Variants in YME1L1 observed in about 807,000 individuals in gnomAD.
YME1L1 encodes ATP-dependent zinc metalloprotease YME1L1.
Under a neutral mutation model 90.4 loss-of-function variants are expected in YME1L1, and 39 were observed. That is an observed-to-expected ratio of 0.43 (90% CI 0.33 to 0.56). The LOEUF is 0.56. Among genes scored for constraint, YME1L1 ranks in the 20% least tolerant of loss-of-function variants. The pLI, the probability that YME1L1 is intolerant of heterozygous loss-of-function variation, is 0.03. For missense variants in YME1L1, 617 were observed against 868.4 expected (o/e 0.71, Z 3.64); for synonymous variants, 284 against 287.3 (o/e 0.99, Z 0.12).
At chr10:27,136,747 G>A (rs1386970599) in intron 4 of YME1L1, among the ~76,000 whole-genome samples, 1 of 139,608 alleles carries the variant, frequency 7.2e-6, no homozygotes, top group Non-Finnish European at 1.6e-5. Context: ...TTATTTATTT[G>A]AGATGGAGTT....
intron 1 of YME1L1, among the ~76,000 whole-genome samples, chr10:27,151,370 G>A (rs541041120): frequency 6.6e-6 from 1 of 152,342 alleles, no homozygotes; most frequent in Admixed American, 6.5e-5. Flanking sequence ...CTGTAATCCT[G>A]TTAAGAGGTG....
intron 14 of YME1L1, among the ~76,000 whole-genome samples, chr10:27,118,400 G>C (rs528225608): frequency 6.6e-6 from 1 of 152,112 alleles, no homozygotes; most frequent in East Asian, 1.9e-4. Context: ...TCCCACCTAG[G>C]ACTCCCAAGT....
In YME1L1 at chr10:27,110,131, T is replaced by C. The variant is rs1053248836; in HGVS notation, c.*1846A>G. 6.6e-6 allele frequency: 1 copy of C among 152,216 alleles called. No homozygotes were observed. The highest frequency in any genetic ancestry group is 2.4e-5 in the African/African-American group (1 of 41,464). The allele number at this position is 152,216 out of a possible 1,614,324, so 9.4% of individuals were successfully genotyped here. A position where few individuals can be genotyped will look rare whatever the true frequency, so the allele number is the denominator to read the frequency against. ...AACTCTACATTTAAAATGAATTTTA[T>C]CATATGTAAATTATACCTCAACAAA... On this transcript the variant is annotated 3_prime_UTR_variant, in exon 19 of 19. Transcript: ENST00000376016.
chr10:27,153,638 C>T (rs925122416), intron 1 of YME1L1, among the ~76,000 whole-genome samples: 1 of 152,114 alleles, frequency 6.6e-6, no homozygotes, highest in Admixed American at 6.6e-5. Context: ...AAACAGTTTA[C>T]GACTCGGAAA....
intron 7 of YME1L1, 84 bp downstream of exon 7, chr10:27,133,955 C>T (rs2057000911): frequency 1.0e-6 from 1 of 953,406 alleles, no homozygotes; most frequent in Non-Finnish European, 1.6e-6. Flanking sequence ...TATGTTCTTT[C>T]TTTAAGGGTT....
intron 2 of YME1L1, 71 bp downstream of exon 2, chr10:27,148,835 A>G: frequency 6.3e-7 from 1 of 1,580,966 alleles, no homozygotes; most frequent in East Asian, 2.2e-5. Flanking sequence ...CAATATCCTT[A>G]ATCCTTCATT....
At chr10:27,127,497 T>C (rs7915541) in intron 8 of YME1L1, among the ~76,000 whole-genome samples, 239 of 152,298 alleles carry the variant, frequency 1.6e-3, no homozygotes, top group African/African-American at 5.6e-3. Context: ...CCTAAAGTAG[T>C]GTAATTGCAC....
At position 27,136,604 on chromosome 10, in the gene YME1L1, G is replaced by A. The variant is rs113179933; in HGVS notation, c.431-219C>T. 0.044 allele frequency among the ~76,000 whole-genome samples: 6,748 copies of A among 151,960 alleles called. 265 individuals are homozygous for A. Among genetic ancestry groups the A allele is most frequent in the Admixed American group, 0.12 (1,810 of 15,264 alleles). On this transcript the variant is annotated intron_variant, in intron 4 of 18. Coordinates refer to ENST00000376016, the MANE Select transcript of YME1L1 (RefSeq NM_014263.4). Reference sequence around the variant, plus strand: ...ACTCCTGGGCTCAAGCAGTCCTCTTGCCTCAGCCTCCCAAAGAGCTGGGAT... The same window carrying A: ...ACTCCTGGGCTCAAGCAGTCCTCTTACCTCAGCCTCCCAAAGAGCTGGGAT...
chr10:27,148,004 C>G (rs2057165111), intron 2 of YME1L1, among the ~76,000 whole-genome samples: 1 of 152,152 alleles, frequency 6.6e-6, no homozygotes, highest in South Asian at 2.1e-4. Context: ...CCAACAATGT[C>G]AGGATCTCAG....
At chr10:27,123,101 G>A (rs1283683223) in intron 10 of YME1L1, 128 bp from the exon 11 acceptor site, 14 of 1,190,380 alleles carry the variant, frequency 1.2e-5, no homozygotes, top group Non-Finnish European at 1.4e-5. Flanking sequence ...AGAAAAGGAC[G>A]TCATTTTTTA....
intron 15 of YME1L1, 47 bp downstream of exon 15, chr10:27,117,529 T>C (rs778521583): frequency 4.8e-5 from 77 of 1,594,700 alleles, no homozygotes; most frequent in East Asian, 9.0e-5. Flanking sequence ...GATCGCGCCA[T>C]TGCACTCCAG....
intron 3 of YME1L1, 94 bp downstream of exon 3, chr10:27,145,334 C>T: frequency 9.1e-7 from 1 of 1,102,022 alleles, no homozygotes; most frequent in South Asian, 2.8e-5. Flanking sequence ...GAACCCAGCC[C>T]ACAATAAACG....
rs891569694 is a variant in YME1L1 at position 27,110,299 on chromosome 10, A to G, written c.*1678T>C. 6.6e-6 allele frequency: 1 copy of G among 152,240 alleles called. No individual in the cohort carries two copies. The highest frequency in any genetic ancestry group is 1.5e-5 in the Non-Finnish European group (1 of 68,046). The allele number at this position is 152,240 out of a possible 1,614,324, so 9.4% of individuals were successfully genotyped here. A position where few individuals can be genotyped will look rare whatever the true frequency, so the allele number is the denominator to read the frequency against. Reference sequence around the variant, plus strand: ...CAACTGGTAAATCTGGATGCAGGGTATATGAGACATCCATGTATTATGCTG... The same window carrying G: ...CAACTGGTAAATCTGGATGCAGGGTGTATGAGACATCCATGTATTATGCTG... On this transcript the variant is annotated 3_prime_UTR_variant, in exon 19 of 19. Coordinates refer to ENST00000376016, the MANE Select transcript of YME1L1 (RefSeq NM_014263.4).
At chr10:27,152,762 A>C (rs1188437790) in intron 1 of YME1L1, among the ~76,000 whole-genome samples, 1 of 152,062 alleles carries the variant, frequency 6.6e-6, no homozygotes. Flanking sequence ...CACTTTCTTC[A>C]AAATATATCT....
In YME1L1 at chr10:27,111,881, A is replaced by G; in HGVS notation, c.*96T>C. The stretch of plus-strand genomic sequence containing the variant: ...ATTTCACACCCTTCAATTACACCAC[A>G]TCAAGAATGAGGGGAAAGCGTTGTA... On this transcript the variant is annotated 3_prime_UTR_variant, in exon 19 of 19. Transcript: ENST00000376016. 3 of 1,468,000 alleles carry G rather than the reference A, an allele frequency of 2.0e-6. No homozygotes were observed. The highest frequency in any genetic ancestry group is 2.8e-6 in the Non-Finnish European group (3 of 1,053,152). The allele number at this position is 1,468,000 out of a possible 1,614,324, so 90.9% of individuals were successfully genotyped here. A position where few individuals can be genotyped will look rare whatever the true frequency, so the allele number is the denominator to read the frequency against.
At position 27,119,353 on chromosome 10, in the gene YME1L1, T is replaced by C; in HGVS notation, c.1508A>G (p.Asp503Gly). 1 of 1,613,868 alleles carries C rather than the reference T, an allele frequency of 6.2e-7. No individual in the cohort carries two copies. Among genetic ancestry groups the C allele is most frequent in the Non-Finnish European group, 8.5e-7 (1 of 1,179,882 alleles). The change falls in exon 14 of 19, where the codon GAT (aspartate) becomes GGT (glycine). Residue 503 changes from aspartate to glycine, a missense_variant. Physicochemically the swap from Asp to Gly is moderately conservative, Grantham distance 94. This residue lies in a region of YME1L1 where 212 missense variants were observed against 330.0 expected (regional missense o/e 0.64). Transcript: ENST00000376016. Reference protein sequence around the residue: ...VNQAALKAAVDGKEMVTMKEL... With the variant: ...VNQAALKAAVGGKEMVTMKEL... ...CTTCATGGTAACCATTTCTTTTCCA[T>C]CAACAGCTGCTTTTAATGCAGCCTG...
chr10:27,134,815 T>C lies in YME1L1; in HGVS notation c.691+16A>G, dbSNP rs2275752. The stretch of plus-strand genomic sequence containing the variant: ...AGTTACTCTTCTCAAACACGGATGG[T>C]GTCAATTCAACTTACCATTGGTTTT... On this transcript the variant is annotated intron_variant, in intron 6 of 18. Transcript: ENST00000376016. 0.19 allele frequency: 308,800 copies of C among 1,611,408 alleles called. 31,986 individuals are homozygous for C. The highest frequency in any genetic ancestry group is 0.39 in the East Asian group (17,270 of 44,802).
intron 8 of YME1L1, among the ~76,000 whole-genome samples, chr10:27,129,563 C>T (rs1318068881): frequency 3.3e-5 from 5 of 152,230 alleles, no homozygotes; most frequent in Middle Eastern, 3.4e-3. Context: ...ATCCCTCCTG[C>T]GGAAGAATTT....
rs761921496 is a variant in YME1L1 at position 27,116,313 on chromosome 10, A to G, written c.1752T>C (p.Asn584=). ...GTGCAAGCAGCTGGGCTCTAGTTTC[A>G]TTCCATCTGTCATTCTCAGGTAACA... ...VSLLPENDRW[N]ETRAQLLAQM... The change falls in exon 16 of 19, where the codon AAT becomes AAC. Residue 584 remains asparagine (N), a synonymous_variant. Transcript: ENST00000376016. 2 of 1,613,990 alleles carry G rather than the reference A, an allele frequency of 1.2e-6. No homozygotes were observed. Among genetic ancestry groups the G allele is most frequent in the East Asian group, 2.2e-5 (1 of 44,892 alleles).
Sources: gnomAD v4.1 joint callset for allele counts (sites outside exome capture counted in the v4.1 genomes callset) on GRCh38, gnomAD v4.1.1 for gene constraint, gnomAD v4.1.1 regional missense constraint, MANE v1.5 for transcripts, NCBI Gene and HGNC (gene_info 2026-07-23, HGNC 2026-07-21) for gene names.